The following KATNIP variants were observed in gnomAD, a reference collection of about 807,000 sequenced individuals.
The protein encoded by KATNIP is katanin-interacting protein.
In KATNIP, 126 loss-of-function variants were observed where a neutral mutation model predicts 174.0. That is an observed-to-expected ratio of 0.72 (90% CI 0.63 to 0.84). The LOEUF is 0.84. Among genes scored for constraint, KATNIP ranks in the 40% least tolerant of loss-of-function variants. The probability of loss-of-function intolerance (pLI) is 0.00; values close to 1 mark genes in which losing one functional copy is unlikely to be tolerated. For synonymous variants in KATNIP, 810 were observed against 835.7 expected (o/e 0.97, Z 0.53); for missense variants, 1,958 against 2,109.7 (o/e 0.93, Z 1.41).
intron 11 of KATNIP, 86 bp from the exon 12 acceptor site, chr16:27,703,810 C>T (rs1442447310): frequency 1.0e-6 from 1 of 1,001,192 alleles, no homozygotes; most frequent in Non-Finnish European, 1.6e-6. Flanking sequence ...CATTTCCTAT[C>T]CCCGAGTGCA....
At chr16:27,732,007 A>AC (rs2080711103) in intron 14 of KATNIP, among the ~76,000 whole-genome samples, 2 of 152,272 alleles carry the variant, frequency 1.3e-5, no homozygotes, top group Non-Finnish European at 1.5e-5. Flanking sequence ...GTTAGCGCCG[A>AC]CCCGGTATTG....
At chr16:27,706,703 C>A (rs1249595288) in intron 12 of KATNIP, among the ~76,000 whole-genome samples, 1 of 152,226 alleles carries the variant, frequency 6.6e-6, no homozygotes, top group Non-Finnish European at 1.5e-5. Flanking sequence ...TCAGATTGCA[C>A]TGGGTGGGAG....
At chr16:27,612,442 A>G (rs916548365) in intron 2 of KATNIP, among the ~76,000 whole-genome samples, 1 of 152,140 alleles carries the variant, frequency 6.6e-6, no homozygotes, top group Non-Finnish European at 1.5e-5. Flanking sequence ...GGCCATGAGC[A>G]TTACCTGGGA....
chr16:27,591,041 A>G (rs1394100845), intron 2 of KATNIP, among the ~76,000 whole-genome samples: 21 of 152,196 alleles, frequency 1.4e-4, no homozygotes, highest in Admixed American at 1.4e-3. Context: ...TTCATTCTCA[A>G]GGAGACTTCC....
At chr16:27,751,596 A>G in intron 16 of KATNIP, 123 bp from the exon 17 acceptor site, 1 of 825,658 alleles carries the variant, frequency 1.2e-6, no homozygotes, top group East Asian at 2.5e-5. Context: ...GGCTCACACT[A>G]ATCAATACCA....
chr16:27,703,662 C>G (rs1216217252), intron 11 of KATNIP, among the ~76,000 whole-genome samples: 1 of 152,202 alleles, frequency 6.6e-6, no homozygotes, highest in Admixed American at 6.5e-5. Flanking sequence ...GGTCAGCTGG[C>G]CACCTTGCCC....
intron 13 of KATNIP, among the ~76,000 whole-genome samples, chr16:27,717,950 G>A (rs940824147): frequency 7.2e-5 from 11 of 152,160 alleles, no homozygotes; most frequent in Non-Finnish European, 1.5e-4. Flanking sequence ...GTTGCCCACA[G>A]GAGCAGCTGT....
At chr16:27,601,422 A>G (rs2075520101) in intron 2 of KATNIP, among the ~76,000 whole-genome samples, 1 of 152,008 alleles carries the variant, frequency 6.6e-6, no homozygotes, top group Admixed American at 6.6e-5. Context: ...AAGGAGGGAA[A>G]CATTGCAGGC....
chr16:27,552,520 G>C (rs111315862), intron 1 of KATNIP, among the ~76,000 whole-genome samples: 9,182 of 147,398 alleles, frequency 0.062, 377 homozygotes, highest in Non-Finnish European at 0.088. Context: ...GATCACAGGT[G>C]TGAACCACCA....
intron 2 of KATNIP, among the ~76,000 whole-genome samples, chr16:27,579,758 A>G (rs1182751762): frequency 6.6e-6 from 1 of 152,150 alleles, no homozygotes; most frequent in East Asian, 1.9e-4. Flanking sequence ...TGCTCTTGAC[A>G]GCACACTCAT....
At chr16:27,714,249 C>T (rs1233633461) in intron 13 of KATNIP, among the ~76,000 whole-genome samples, 3 of 152,146 alleles carry the variant, frequency 2.0e-5, no homozygotes, top group African/African-American at 7.2e-5. Flanking sequence ...GAGCACATCT[C>T]ACTGTAAGAA....
At position 27,747,576 on chromosome 16, in the gene KATNIP, C is replaced by G. The variant is rs532610085; in HGVS notation, c.2624-2008C>G. 3.9e-5 allele frequency among the ~76,000 whole-genome samples: 6 copies of G among 152,264 alleles called. No individual in the cohort carries two copies. The South Asian group carries it at 1.2e-3, about 32-fold the overall frequency. On this transcript the variant is annotated intron_variant, in intron 15 of 27. Coordinates refer to ENST00000261588, the MANE Select transcript of KATNIP (RefSeq NM_015202.5). ...TTCAGCACCACCAGTTTAAAGAGTG[C>G]CCCTCCTTGAGGCCAGCTTGGAAGG... is the stretch of plus-strand genomic sequence containing the variant.
At chr16:27,551,796 G>A (rs908223118) in intron 1 of KATNIP, among the ~76,000 whole-genome samples, 4 of 152,126 alleles carry the variant, frequency 2.6e-5, no homozygotes, top group African/African-American at 9.7e-5. Context: ...AGAATCATTT[G>A]AAGCCGAGAT....
At chr16:27,686,070 G>C (rs919562375) in intron 8 of KATNIP, among the ~76,000 whole-genome samples, 8 of 152,190 alleles carry the variant, frequency 5.3e-5, no homozygotes, top group Non-Finnish European at 1.0e-4. Flanking sequence ...TTTAGGGTCA[G>C]GGTTGTAGGG....
rs186530308 is a variant in KATNIP, at chr16:27,695,288, G to T, written c.941-3040G>T. ...ATTCCTCAGTGGCTCCCCATTTCCCGCAGAGCATGGGCCCTACAGTGCCCT... is the reference window on the plus strand; with the variant it reads ...ATTCCTCAGTGGCTCCCCATTTCCCTCAGAGCATGGGCCCTACAGTGCCCT... On this transcript the variant is annotated intron_variant, in intron 8 of 27. Coordinates refer to ENST00000261588, the MANE Select transcript of KATNIP (RefSeq NM_015202.5). Among the ~76,000 whole-genome samples the T allele has an allele frequency of 3.3e-5, 5 of 152,100 alleles. No homozygotes were observed. The East Asian group carries it at 5.8e-4, about 18-fold the overall frequency.
In KATNIP at chr16:27,761,609, C is replaced by CTT. The variant is rs1158740649; in HGVS notation, c.3809+21_3809+22dup. 6 of 1,603,124 alleles carry CTT rather than the reference C, an allele frequency of 3.7e-6. No homozygotes were observed. Among genetic ancestry groups the CTT allele is most frequent in the Non-Finnish European group, 5.1e-6 (6 of 1,170,934 alleles). On this transcript the variant is annotated intron_variant, in intron 19 of 27. Coordinates refer to ENST00000261588, the MANE Select transcript of KATNIP (RefSeq NM_015202.5). ...TGGACAAGTAAGTGTCTATCAGAAG[C>CTT]TTTACTTTCATGCCCACTGGGTTTT... is the stretch of plus-strand genomic sequence containing the variant.
intron 2 of KATNIP, among the ~76,000 whole-genome samples, chr16:27,590,470 A>G (rs1244494304): frequency 6.6e-6 from 1 of 151,516 alleles, no homozygotes. Flanking sequence ...CTGATTTCCC[A>G]TTTCCTTCTC....
intron 5 of KATNIP, among the ~76,000 whole-genome samples, chr16:27,647,599 G>A (rs1224601729): frequency 4.0e-5 from 6 of 151,514 alleles, no homozygotes; most frequent in African/African-American, 1.2e-4. Context: ...TCTGCCTCCC[G>A]GGTTCAAGCG....
chr16:27,759,135 C>T (rs141322607), intron 18 of KATNIP, among the ~76,000 whole-genome samples: 1 of 152,342 alleles, frequency 6.6e-6, no homozygotes, highest in African/African-American at 2.4e-5. Flanking sequence ...TGAACATCTA[C>T]TAAGCACTGT....
Sources: allele counts gnomAD v4.1 joint callset (sites outside exome capture counted in the v4.1 genomes callset), GRCh38; gene constraint gnomAD v4.1.1; transcripts MANE v1.5; gene names NCBI Gene and HGNC (gene_info 2026-07-23, HGNC 2026-07-21).